Variants in ARHGAP39 observed in about 807,000 individuals in gnomAD.
The protein encoded by ARHGAP39 is Rho GTPase activating protein 39.
ARHGAP39 carries 44 observed loss-of-function variants against 106.9 expected under a neutral mutation model. That is an observed-to-expected ratio of 0.41 (90% confidence interval 0.32 to 0.53). ARHGAP39 has a LOEUF of 0.53. Among genes scored for constraint, ARHGAP39 ranks in the 20% least tolerant of loss-of-function variants. ARHGAP39 has a pLI of 0.21. For synonymous variants in ARHGAP39, 768 were observed against 693.2 expected (o/e 1.11, Z -1.69); for missense variants, 1,496 against 1,577.3 (o/e 0.95, Z 0.87).
intron 1 of ARHGAP39, among the ~76,000 whole-genome samples, chr8:144,606,414 G>A (rs756256168): frequency 6.6e-6 from 1 of 152,200 alleles, no homozygotes; most frequent in African/African-American, 2.4e-5. Flanking sequence ...TCTTTAGGAT[G>A]ATCCACTTCC....
intron 10 of ARHGAP39, among the ~76,000 whole-genome samples, chr8:144,531,269 G>A (rs867649131): frequency 0.011 from 620 of 58,452 alleles, 37 homozygotes; most frequent in African/African-American, 0.025. Flanking sequence ...GGTGGGGAGT[G>A]GGCTAGACAT....
chr8:144,618,970 C>T (rs1034977220), intron 1 of ARHGAP39, among the ~76,000 whole-genome samples: 4 of 152,236 alleles, frequency 2.6e-5, no homozygotes, highest in East Asian at 1.9e-4. Flanking sequence ...GTCCTGCAGA[C>T]GTGGGGCCCC....
In ARHGAP39 at chr8:144,671,411, A is replaced by T. The variant is rs1233249313; in HGVS notation, c.-82+14275T>A. On this transcript the variant is annotated intron_variant, in intron 1 of 11. Transcript: ENST00000377307. The surrounding 1 kb of genome is among the most constrained non-coding windows in gnomAD (Gnocchi z 4.5). ...CAACCCTTTCACTCTTCCTAACTGC[A>T]TGCTGACTCGGAAGGTGGGGCTCAA... is the stretch of plus-strand genomic sequence containing the variant. Among the ~76,000 whole-genome samples the T allele has an allele frequency of 6.6e-6, 1 of 152,244 alleles. No homozygotes were observed. The highest frequency in any genetic ancestry group is 1.5e-5 in the Non-Finnish European group (1 of 68,052).
chr8:144,569,178 G>T (rs1434088953), intron 3 of ARHGAP39, among the ~76,000 whole-genome samples: 1 of 152,206 alleles, frequency 6.6e-6, no homozygotes, highest in East Asian at 1.9e-4. Context: ...AATGTAAGTA[G>T]ATTTTGGAGC....
At chr8:144,566,485 G>A (rs974400106) in intron 3 of ARHGAP39, among the ~76,000 whole-genome samples, 21 of 152,030 alleles carry the variant, frequency 1.4e-4, no homozygotes, top group African/African-American at 4.6e-4. Flanking sequence ...AGATTGGGAG[G>A]CAAAGTGTGC....
intron 1 of ARHGAP39, among the ~76,000 whole-genome samples, chr8:144,639,325 C>CA (rs1320599462): frequency 0.053 from 3,393 of 64,294 alleles, 79 homozygotes; most frequent in African/African-American, 0.089. Context: ...GATGCTGTCT[C>CA]AAAAAAAAAA....
chr8:144,560,691 G>A (rs554049820), intron 3 of ARHGAP39, among the ~76,000 whole-genome samples: 3 of 152,286 alleles, frequency 2.0e-5, no homozygotes, highest in South Asian at 2.1e-4. Flanking sequence ...GAGGACCAGC[G>A]GTGCGCGGGT....
chr8:144,593,152 C>T (rs138244229), intron 2 of ARHGAP39, among the ~76,000 whole-genome samples: 51 of 152,326 alleles, frequency 3.3e-4, no homozygotes, highest in African/African-American at 1.1e-3. Context: ...AACCTTCCTG[C>T]AGCCCCTGTT....
chr8:144,564,708 T>C (rs1355264979), intron 3 of ARHGAP39, among the ~76,000 whole-genome samples: 1 of 151,734 alleles, frequency 6.6e-6, no homozygotes, highest in Admixed American at 6.6e-5. Context: ...GGGCTGGGCA[T>C]GGAGACTCAC....
Position 144,549,960 on chromosome 8 carries a change from C to T in ARHGAP39, c.597-1471G>A, listed in dbSNP as rs532647986. Among the ~76,000 whole-genome samples, 49 of 152,330 alleles carry T rather than the reference C, an allele frequency of 3.2e-4. No homozygotes were observed. In the East Asian group the frequency reaches 8.9e-3, roughly 28 times the overall value. On this transcript the variant is annotated intron_variant, in intron 4 of 11. Transcript: ENST00000377307. ...CCATTCAGGCTTCTATAACAAAATA[C>T]TACAAACGAGGTAGCTTAAAAATAG...
intron 1 of ARHGAP39, among the ~76,000 whole-genome samples, chr8:144,617,323 G>A (rs577927569): frequency 6.6e-6 from 1 of 152,238 alleles, no homozygotes; most frequent in South Asian, 2.1e-4. Context: ...CTTCTCACCT[G>A]TCACTGACTT....
chr8:144,608,390 C>T (rs780782346), intron 1 of ARHGAP39, among the ~76,000 whole-genome samples: 27 of 152,104 alleles, frequency 1.8e-4, no homozygotes, highest in Non-Finnish European at 2.8e-4. Flanking sequence ...TCAGTCCATC[C>T]TTCCATCATG....
At chr8:144,597,317 G>A (rs1819658335) in intron 2 of ARHGAP39, among the ~76,000 whole-genome samples, 1 of 152,290 alleles carries the variant, frequency 6.6e-6, no homozygotes, top group South Asian at 2.1e-4. Flanking sequence ...ACCGCCCTAC[G>A]CCTCCAGTCC....
Position 144,631,406 on chromosome 8 carries a change from G to A in ARHGAP39, c.-81-25711C>T, listed in dbSNP as rs573067197. On this transcript the variant is annotated intron_variant, in intron 1 of 11. Transcript: ENST00000377307. ...TTCCAACCCTCGAGTTCTCATTCCC[G>A]CCATCACACCTTTAACAGCCAAGCA... Among the ~76,000 whole-genome samples, 6 of 152,292 alleles carry A rather than the reference G, an allele frequency of 3.9e-5. No individual in the cohort carries two copies. In the South Asian group the frequency reaches 6.2e-4, roughly 16 times the overall value.
At position 144,548,580 on chromosome 8, in the gene ARHGAP39, G is replaced by T; in HGVS notation, c.597-91C>A. ...TCGGGGGCTGTAGGCAGCGGCTCCC[G>T]CGAACCCTCTGTTGTACACCTTCCT... On this transcript the variant is annotated intron_variant, in intron 4 of 11. Transcript: ENST00000377307. This position sits in a 1 kb window ranked among gnomAD's most constrained non-coding sequence, Gnocchi z 7.4. 1 of 1,475,274 alleles carries T rather than the reference G, an allele frequency of 6.8e-7. No homozygotes were observed. Among genetic ancestry groups the T allele is most frequent in the Non-Finnish European group, 9.0e-7 (1 of 1,109,210 alleles). 91.4% of individuals were successfully genotyped at this position (1,475,274 alleles called of 1,614,324 possible). A position where few individuals can be genotyped will look rare whatever the true frequency, so the allele number is the denominator to read the frequency against.
chr8:144,696,404 G>A, the ARHGAP39 span, among the ~76,000 whole-genome samples: 2 of 152,128 alleles, frequency 1.3e-5, no homozygotes, highest in Admixed American at 1.3e-4. Flanking sequence ...CTCCCAAAGT[G>A]CTGGGATTAC....
rs1244314020 is a variant in ARHGAP39 at position 144,537,826 on chromosome 8, G to C, written c.2522-13C>G. The C allele has an allele frequency of 3.0e-5, 48 of 1,612,498 alleles. No individual in the cohort carries two copies. The highest frequency in any genetic ancestry group is 3.8e-5 in the Non-Finnish European group (45 of 1,178,842). The stretch of plus-strand genomic sequence containing the variant: ...ATGTGCTGTGTCACTGGGGAGCAAA[G>C]ACAACCATCAGCACGACAGAACAAA... On this transcript the variant is annotated splice_polypyrimidine_tract_variant and intron_variant, in intron 6 of 11. Transcript: ENST00000377307.
chr8:144,681,049 G>A (rs1822404308), intron 1 of ARHGAP39, among the ~76,000 whole-genome samples: 1 of 152,184 alleles, frequency 6.6e-6, no homozygotes, highest in South Asian at 2.1e-4. Flanking sequence ...AGTGGCAGAG[G>A]AGTTGGCGTG....
chr8:144,589,755 GGCCTCCCACGACTCT>G (rs1018054638), intron 2 of ARHGAP39, among the ~76,000 whole-genome samples: 3 of 152,220 alleles, frequency 2.0e-5, no homozygotes, highest in Non-Finnish European at 4.4e-5. Context: ...CGAGCTCGGA[GGCCTCCCACGACTCT>G]GCCTCTGGTG....
Sources: gnomAD v4.1 joint callset for allele counts (sites outside exome capture counted in the v4.1 genomes callset) on GRCh38, gnomAD v4.1.1 for gene constraint, Gnocchi (gnomAD v3.1) non-coding constraint, MANE v1.5 for transcripts, NCBI Gene and HGNC (gene_info 2026-07-23, HGNC 2026-07-21) for gene names.